GALNTL6: variants seen among roughly 807,000 people sequenced by gnomAD.
GALNTL6 encodes polypeptide N-acetylgalactosaminyltransferase like 6, also known as polypeptide N-acetylgalactosaminyltransferase-like 6.
A neutral mutation model predicts 73.7 loss-of-function variants in GALNTL6; 46 were observed. That is an observed-to-expected ratio of 0.62 (90% CI 0.49 to 0.80). GALNTL6 has a LOEUF of 0.80. Among genes scored for constraint, GALNTL6 ranks in the 30% least tolerant of loss-of-function variants. GALNTL6 has a pLI of 0.00. For synonymous variants in GALNTL6, 259 were observed against 263.7 expected (o/e 0.98, Z 0.17); for missense variants, 604 against 755.0 (o/e 0.80, Z 2.34).
chr4:172,611,540 C>T (rs1458898258), intron 5 of GALNTL6, among the ~76,000 whole-genome samples: 2 of 152,024 alleles, frequency 1.3e-5, no homozygotes, highest in Non-Finnish European at 2.9e-5. Context: ...AAAAGGTCCA[C>T]TGTTCACCTG....
intron 5 of GALNTL6, among the ~76,000 whole-genome samples, chr4:172,414,284 T>G (rs1744543282): frequency 6.6e-6 from 1 of 152,144 alleles, no homozygotes. Context: ...GATGCTATCT[T>G]TGCTGCTTTT....
At chr4:173,022,712 G>A (rs1015612010) in intron 12 of GALNTL6, among the ~76,000 whole-genome samples, 6 of 152,210 alleles carry the variant, frequency 3.9e-5, no homozygotes, top group African/African-American at 1.4e-4. Flanking sequence ...GAATTTACTT[G>A]GGGAATTTAA....
intron 5 of GALNTL6, among the ~76,000 whole-genome samples, chr4:172,768,539 A>T (rs900880158): frequency 6.6e-6 from 1 of 152,204 alleles, no homozygotes; most frequent in African/African-American, 2.4e-5. Context: ...CTCAAGAAAG[A>T]TTCATGCAAG....
chr4:172,005,352 C>T (rs1315622490), intron 2 of GALNTL6, among the ~76,000 whole-genome samples: 1 of 152,106 alleles, frequency 6.6e-6, no homozygotes, highest in Non-Finnish European at 1.5e-5. Flanking sequence ...GCCTCAAACT[C>T]CTGGACTCAA....
At chr4:172,164,828 A>T in intron 2 of GALNTL6, among the ~76,000 whole-genome samples, 1 of 152,058 alleles carries the variant, frequency 6.6e-6, no homozygotes, top group East Asian at 1.9e-4. Context: ...TGTTTGCTAT[A>T]TTATTAGTTA....
chr4:172,502,764 GA>G (rs1734306687), intron 5 of GALNTL6, among the ~76,000 whole-genome samples: 1 of 152,168 alleles, frequency 6.6e-6, no homozygotes, highest in Non-Finnish European at 1.5e-5. Flanking sequence ...ATGTGGGGTA[GA>G]TTAAACGTTA....
intron 2 of GALNTL6, among the ~76,000 whole-genome samples, chr4:171,977,202 C>T (rs112805230): frequency 0.056 from 8,475 of 152,142 alleles, 609 homozygotes; most frequent in African/African-American, 0.16. Context: ...AAATTTTATG[C>T]TGTGACTTAA....
At chr4:172,048,110 A>G (rs564960146) in intron 2 of GALNTL6, among the ~76,000 whole-genome samples, 15 of 152,262 alleles carry the variant, frequency 9.9e-5, no homozygotes, top group Non-Finnish European at 1.8e-4. Flanking sequence ...AACTCAATAA[A>G]TATTCTTGAA....
chr4:172,113,393 A>G (rs890259842), intron 2 of GALNTL6, among the ~76,000 whole-genome samples: 4 of 152,080 alleles, frequency 2.6e-5, no homozygotes, highest in African/African-American at 9.7e-5. Context: ...CAGTAAAAAC[A>G]TATGTACTAT....
intron 2 of GALNTL6, among the ~76,000 whole-genome samples, chr4:172,031,103 CT>C (rs1306490044): frequency 6.6e-6 from 1 of 152,060 alleles, no homozygotes; most frequent in African/African-American, 2.4e-5. Flanking sequence ...GACTCTGATT[CT>C]TTTTATGATC....
At chr4:172,484,910 T>C (rs151099921) in intron 5 of GALNTL6, among the ~76,000 whole-genome samples, 2 of 152,280 alleles carry the variant, frequency 1.3e-5, no homozygotes, top group East Asian at 3.9e-4. Context: ...AACATAGTTT[T>C]AAAGGCTGTG....
chr4:172,948,545 C>A (rs188561049), intron 9 of GALNTL6, among the ~76,000 whole-genome samples: 4 of 150,482 alleles, frequency 2.7e-5, no homozygotes, highest in Non-Finnish European at 4.4e-5. Flanking sequence ...CTCCACCTCT[C>A]GGGTTCAAGT....
chr4:172,132,730 T>A (rs990069358), intron 2 of GALNTL6, among the ~76,000 whole-genome samples: 1 of 152,198 alleles, frequency 6.6e-6, no homozygotes, highest in African/African-American at 2.4e-5. Flanking sequence ...AGTGTTTTTA[T>A]GAATGCAGTG....
chr4:172,970,331 T>C (rs183646642), intron 10 of GALNTL6, among the ~76,000 whole-genome samples: 2,846 of 152,216 alleles, frequency 0.019, 79 homozygotes, highest in African/African-American at 0.065. Context: ...CAGGATTTTT[T>C]CCCCACCCTA....
intron 2 of GALNTL6, among the ~76,000 whole-genome samples, chr4:172,068,616 G>A (rs1399495109): frequency 9.2e-6 from 1 of 109,206 alleles, no homozygotes; most frequent in Non-Finnish European, 2.0e-5. Flanking sequence ...TCCTCCAGTC[G>A]CTCTTTATTC....
chr4:172,379,886 G>A lies in GALNTL6; in HGVS notation c.553+31197G>A. 3 of 501,224 alleles carry A rather than the reference G, an allele frequency of 6.0e-6. No homozygotes were observed. The South Asian group carries it at 6.8e-5, about 11-fold the overall frequency. 31.0% of individuals were successfully genotyped at this position (501,224 alleles called of 1,614,324 possible). On this transcript the variant is annotated intron_variant, in intron 5 of 12. Transcript: ENST00000506823. ...CAGAACAAAACATAGATTTGCTAAT[G>A]TGCATTTAATCACCAAAGGACTGAA...
At chr4:172,403,679 A>G (rs1194283900) in intron 5 of GALNTL6, among the ~76,000 whole-genome samples, 1 of 152,060 alleles carries the variant, frequency 6.6e-6, no homozygotes, top group African/African-American at 2.4e-5. Flanking sequence ...AGACACATAT[A>G]CACATATATT....
intron 2 of GALNTL6, among the ~76,000 whole-genome samples, chr4:172,215,645 G>T (rs1159985585): frequency 1.3e-5 from 2 of 151,940 alleles, no homozygotes; most frequent in South Asian, 4.1e-4. Flanking sequence ...GTTTAGTTGA[G>T]AATTATGTTT....
intron 7 of GALNTL6, among the ~76,000 whole-genome samples, chr4:172,821,389 A>G (rs28479395): frequency 0.047 from 7,196 of 152,278 alleles, 275 homozygotes; most frequent in African/African-American, 0.1. Flanking sequence ...GGGTTAATCA[A>G]TAATTTTCTT....
Sources: gnomAD v4.1 joint callset for allele counts (sites outside exome capture counted in the v4.1 genomes callset) on GRCh38, gnomAD v4.1.1 for gene constraint, MANE v1.5 for transcripts, NCBI Gene and HGNC (gene_info 2026-07-23, HGNC 2026-07-21) for gene names.